Variants in SIGIRR observed in about 807,000 individuals in gnomAD.
The protein encoded by SIGIRR is single Ig and TIR domain containing, also known as single Ig IL-1-related receptor.
SIGIRR carries 41 observed loss-of-function variants against 45.6 expected under a neutral mutation model. The observed-to-expected ratio is 0.90, with a 90% CI of 0.70 to 1.17. The LOEUF (loss-of-function observed/expected upper bound fraction) is 1.17, where lower values mean the gene tolerates loss of function less well. Among genes scored for constraint, SIGIRR ranks in the 50% most tolerant of loss-of-function variants. The probability of loss-of-function intolerance (pLI) is 0.00; values close to 1 mark genes in which losing one functional copy is unlikely to be tolerated. For missense variants in SIGIRR, 599 were observed against 539.6 expected (o/e 1.11, Z -1.09); for synonymous variants, 298 against 239.0 (o/e 1.25, Z -2.28).
intron 2 of SIGIRR, 116 bp downstream of exon 2, chr11:409,752 G>A (rs1590378839): frequency 8.4e-7 from 1 of 1,185,270 alleles, no homozygotes; most frequent in Non-Finnish European, 1.1e-6. Context: ...TTGTACCCCC[G>A]GCATGTGGCC....
At chr11:417,181 A>T (rs1348300983), upstream of SIGIRR, 1 of 152,244 alleles carries the variant, frequency 6.6e-6, no homozygotes, top group African/African-American at 2.4e-5. The surrounding 1 kb of genome is among the most constrained non-coding windows in gnomAD (Gnocchi z 4.2). Context: ...GCGACGCGGG[A>T]ACCTCCCCGG....
upstream of SIGIRR, among the ~76,000 whole-genome samples, chr11:416,807 G>A (rs1011115753): frequency 2.0e-5 from 3 of 152,152 alleles, no homozygotes; most frequent in African/African-American, 7.2e-5. The surrounding 1 kb of genome is among the most constrained non-coding windows in gnomAD (Gnocchi z 9.1). Context: ...AGTGAGGAGG[G>A]CGGAGAACGA....
rs368908496 is a variant in SIGIRR, at chr11:407,432, C to T, written c.618G>A (p.Pro206=). ...KLFLDDRDLL[P]RAEPSADLLV... ...GGGTGGGGCCCGGGATACCAGCGCG[C>T]GGCAGGAGGTCGCGGTCGTCCAGGA... The change falls in exon 6 of 10, where the codon CCG becomes CCA. Residue 206 remains proline (P), a synonymous_variant. Transcript: ENST00000431843. 5 of 1,546,624 alleles carry T rather than the reference C, an allele frequency of 3.2e-6. No homozygotes were observed. The South Asian group carries it at 4.8e-5, about 15-fold the overall frequency.
Position 407,116 on chromosome 11 carries a change from A to AG in SIGIRR, c.673_674insC (p.Ile225ThrfsTer116). 6.6e-7 allele frequency: 1 copy of AG among 1,526,570 alleles called. No homozygotes were observed. The highest frequency in any genetic ancestry group is 1.9e-5 in the Admixed American group (1 of 51,832). The allele number at this position is 1,526,570 out of a possible 1,614,324, so 94.6% of individuals were successfully genotyped here. A position where few individuals can be genotyped will look rare whatever the true frequency, so the allele number is the denominator to read the frequency against. On this transcript the variant is annotated frameshift_variant, in exon 7 of 10. Transcript: ENST00000431843. LOFTEE classifies it high-confidence loss of function. ...CAGGAAGGCGTCCGAAAGCACCACG[A>AG]TGAGGCGTCGGCAGCGGCTCAGGTT...
rs571180216 is a variant in SIGIRR at position 410,171 on chromosome 11, T to G, written c.-153-144A>C. 2.3e-3 allele frequency: 1,637 copies of G among 716,800 alleles called. 9 individuals are homozygous for G. Among genetic ancestry groups the G allele is most frequent in the South Asian group, 7.7e-3 (115 of 14,934 alleles). The allele number at this position is 716,800 out of a possible 1,614,324, so 44.4% of individuals were successfully genotyped here. A position where few individuals can be genotyped will look rare whatever the true frequency, so the allele number is the denominator to read the frequency against. ...GCAGAGTTCTCGGAGGCCAGCAGGGTGTCTCTTTGAGCCCCTCACACGTGG... is the reference window on the plus strand; with the variant it reads ...GCAGAGTTCTCGGAGGCCAGCAGGGGGTCTCTTTGAGCCCCTCACACGTGG... On this transcript the variant is annotated intron_variant, in intron 1 of 9. Coordinates refer to ENST00000431843, the MANE Select transcript of SIGIRR (RefSeq NM_001135054.2).
rs768875219 is a variant in SIGIRR, at chr11:408,060, G to C, written c.340+13C>G. Reference sequence around the variant, plus strand: ...GTCCCCTTCTACCCTCCACCTTGGGGAACCCCCATCACCAGCTCTCTGAAG... The same window carrying C: ...GTCCCCTTCTACCCTCCACCTTGGGCAACCCCCATCACCAGCTCTCTGAAG... On this transcript the variant is annotated intron_variant, in intron 4 of 9. Transcript: ENST00000431843. The C allele has an allele frequency of 6.4e-5, 103 of 1,612,456 alleles. 1 individual carries two copies. In the East Asian group the frequency reaches 1.8e-3, roughly 28 times the overall value.
rs771122223 is a variant in SIGIRR, at chr11:405,907, C to T, written c.1222G>A (p.Asp408Asn). 7 of 1,601,426 alleles carry T rather than the reference C, an allele frequency of 4.4e-6. No homozygotes were observed. Among genetic ancestry groups the T allele is most frequent in the South Asian group, 1.1e-5 (1 of 90,234 alleles). The change falls in exon 10 of 10, where the codon GAT becomes AAT. Residue 408 changes from aspartate to asparagine, a missense_variant. Asp to Asn is a conservative substitution (Grantham distance 23, BLOSUM62 1). Transcript: ENST00000431843. ...CTCTGGGGTGGGAGCTACATATCAT[C>T]CTTGGACACCAGGCAGTAGAAGTCT... ...RTDFYCLVSK[D>N]DM is the part of the protein sequence containing the mutation.
intron 5 of SIGIRR, 96 bp downstream of exon 5, chr11:407,720 AC>A: frequency 6.4e-7 from 1 of 1,574,070 alleles, no homozygotes; most frequent in South Asian, 1.2e-5. Flanking sequence ...CCGGGGGCTA[AC>A]CCCTCCCCGC....
At chr11:409,617 A>G in intron 2 of SIGIRR, 1 of 423,502 alleles carries the variant, frequency 2.4e-6, no homozygotes, top group Non-Finnish European at 4.1e-6. Flanking sequence ...GCCCACTCCT[A>G]GCATTCCTGG....
In SIGIRR at chr11:405,862, G is replaced by T; in HGVS notation, c.*34C>A. 6.4e-7 allele frequency: 1 copy of T among 1,556,380 alleles called. No homozygotes were observed. Among genetic ancestry groups the T allele is most frequent in the Non-Finnish European group, 8.7e-7 (1 of 1,146,044 alleles). On this transcript the variant is annotated 3_prime_UTR_variant, in exon 10 of 10. Coordinates refer to ENST00000431843, the MANE Select transcript of SIGIRR (RefSeq NM_001135054.2). Reference sequence around the variant, plus strand: ...GAGCGACGCCGCTGCCCTGGCCCCCGCTGTCCCTATGATCCTGCACTCTGG... The same window carrying T: ...GAGCGACGCCGCTGCCCTGGCCCCCTCTGTCCCTATGATCCTGCACTCTGG...
upstream of SIGIRR, among the ~76,000 whole-genome samples, chr11:416,975 T>C (rs890841614): frequency 6.6e-6 from 1 of 151,960 alleles, no homozygotes; most frequent in African/African-American, 2.4e-5. The surrounding 1 kb of genome is among the most constrained non-coding windows in gnomAD (Gnocchi z 9.1). Context: ...CGAGCTGGGA[T>C]CCAGGCTTGG....
chr11:407,114 C>A lies in SIGIRR; in HGVS notation c.676G>T (p.Val226Leu). The part of the protein sequence containing the change: ...VNLSRCRRLI[V>L]VLSDAFLSRA... The stretch of plus-strand genomic sequence containing the variant: ...CTCAGGAAGGCGTCCGAAAGCACCA[C>A]GATGAGGCGTCGGCAGCGGCTCAGG... Residue 226 changes from valine to leucine, a missense_variant, in exon 7 of 10, where the codon GTG (valine) becomes TTG (leucine). Coordinates refer to ENST00000431843, the MANE Select transcript of SIGIRR (RefSeq NM_001135054.2). 3 of 1,543,310 alleles carry A rather than the reference C, an allele frequency of 1.9e-6. No individual in the cohort carries two copies. The highest frequency in any genetic ancestry group is 2.6e-6 in the Non-Finnish European group (3 of 1,150,822).
At chr11:416,188 AG>A (rs1847875496), upstream of SIGIRR, among the ~76,000 whole-genome samples, 1 of 152,082 alleles carries the variant, frequency 6.6e-6, no homozygotes, top group Admixed American at 6.5e-5. The surrounding 1 kb of genome is among the most constrained non-coding windows in gnomAD (Gnocchi z 9.1). Flanking sequence ...CAGGCACAGC[AG>A]GGCCCAGGGC....
chr11:407,197 CGGGGGCGGGGG>C, intron 6 of SIGIRR, 33 bp from the exon 7 acceptor site: 1 of 81,414 alleles, frequency 1.2e-5, no homozygotes, highest in Non-Finnish European at 2.2e-5. Context: ...GGCGCAGGGG[CGGGGGCGGGGG>C]AGGGCGGGGC....
chr11:407,727 C>T (rs1216257318), intron 5 of SIGIRR, 90 bp downstream of exon 5: 3 of 1,581,478 alleles, frequency 1.9e-6, no homozygotes, highest in Non-Finnish European at 2.6e-6. Flanking sequence ...CTAACCCCTC[C>T]CCGCCGCACG....
chr11:410,101 A>C, intron 1 of SIGIRR, 74 bp from the exon 2 acceptor site: 1 of 1,206,702 alleles, frequency 8.3e-7, no homozygotes. Flanking sequence ...CACAGACAGC[A>C]CTGGCCCTGA....
At chr11:409,835 G>T in intron 2 of SIGIRR, 33 bp downstream of exon 2, 1 of 1,366,816 alleles carries the variant, frequency 7.3e-7, no homozygotes, top group South Asian at 2.0e-5. Flanking sequence ...TGGGAGTGGG[G>T]AATTCAAGCC....
At position 412,686 on chromosome 11, in the gene SIGIRR, G is replaced by C. The variant is rs1055764665; in HGVS notation, c.-154+2137C>G. Among the ~76,000 whole-genome samples, 7 of 88,798 alleles carry C rather than the reference G, an allele frequency of 7.9e-5. 1 individual carries two copies. The highest frequency in any genetic ancestry group is 1.4e-4 in the African/African-American group (3 of 21,866). 58.3% of individuals were successfully genotyped at this position (88,798 alleles called of 152,430 possible). ...CTGACCATGTCTGGATACAGTCGGG[G>C]GGGGGGGGTGCCCAGCTCTAACCAT... On this transcript the variant is annotated intron_variant, in intron 1 of 9. Transcript: ENST00000431843.
rs923073303 is a variant in SIGIRR at position 408,683 on chromosome 11, C to G, written c.206+12G>C. The G allele has an allele frequency of 1.7e-5, 28 of 1,612,066 alleles. No individual in the cohort carries two copies. Among genetic ancestry groups the G allele is most frequent in the Non-Finnish European group, 2.3e-5 (27 of 1,179,592 alleles). On this transcript the variant is annotated intron_variant, in intron 3 of 9. Coordinates refer to ENST00000431843, the MANE Select transcript of SIGIRR (RefSeq NM_001135054.2). Reference sequence around the variant, plus strand: ...AGAGGTCACTCTGACCCTGGATACCCGGGTCTCTTACCAGGAGTACTCGTG... The same window carrying G: ...AGAGGTCACTCTGACCCTGGATACCGGGGTCTCTTACCAGGAGTACTCGTG...
Sources: gnomAD v4.1 joint callset for allele counts (sites outside exome capture counted in the v4.1 genomes callset) on GRCh38, gnomAD v4.1.1 for gene constraint, Gnocchi (gnomAD v3.1) non-coding constraint, MANE v1.5 for transcripts, NCBI Gene and HGNC (gene_info 2026-07-23, HGNC 2026-07-21) for gene names.